Variants in PEAK1 observed in about 807,000 individuals in gnomAD.
The protein encoded by PEAK1 is inactive tyrosine-protein kinase PEAK1.
Under a neutral mutation model 124.7 loss-of-function variants are expected in PEAK1, and 54 were observed. The observed-to-expected ratio is 0.43, with a 90% CI of 0.35 to 0.54. The LOEUF is 0.54. Ranked by LOEUF, PEAK1 falls within the 20% of genes least tolerant of loss-of-function variation. PEAK1 has a pLI of 0.01. For missense variants in PEAK1, 2,046 were observed against 2,134.5 expected, an observed-to-expected ratio of 0.96 and a Z score of 0.82; for synonymous variants, 719 against 760.0, an observed-to-expected ratio of 0.95 and a Z score of 0.89.
intron 6 of PEAK1, among the ~76,000 whole-genome samples, chr15:77,203,794 C>T (rs1035894574): frequency 1.3e-5 from 2 of 150,102 alleles, no homozygotes; most frequent in African/African-American, 4.9e-5. Flanking sequence ...CAATGTAAAA[C>T]ATAAAACAAT....
At chr15:77,391,867 A>G (rs2141926918) in intron 1 of PEAK1, among the ~76,000 whole-genome samples, 1 of 152,364 alleles carries the variant, frequency 6.6e-6, no homozygotes, top group East Asian at 1.9e-4. Context: ...AGAGATGATC[A>G]CATACATACT....
chr15:77,247,408 G>A (rs183406431), intron 6 of PEAK1, among the ~76,000 whole-genome samples: 238 of 150,496 alleles, frequency 1.6e-3, no homozygotes, highest in African/African-American at 5.6e-3. Flanking sequence ...ATGAATTAAT[G>A]CAGTATCTAA....
intron 2 of PEAK1, among the ~76,000 whole-genome samples, chr15:77,292,796 C>G (rs1251828635): frequency 6.6e-6 from 1 of 152,048 alleles, no homozygotes; most frequent in Non-Finnish European, 1.5e-5. Context: ...TGTATATGAA[C>G]GTATATGAAT....
At chr15:77,329,878 T>G (rs923203996) in intron 2 of PEAK1, among the ~76,000 whole-genome samples, 1 of 152,140 alleles carries the variant, frequency 6.6e-6, no homozygotes, top group Non-Finnish European at 1.5e-5. Context: ...CAGTCCTCTG[T>G]AGTGGGGGAA....
intron 5 of PEAK1, among the ~76,000 whole-genome samples, chr15:77,257,166 G>C (rs1409341168): frequency 1.3e-5 from 2 of 152,038 alleles, no homozygotes; most frequent in Non-Finnish European, 2.9e-5. Context: ...TTACTATTGT[G>C]AACAGTGCCA....
intron 2 of PEAK1, among the ~76,000 whole-genome samples, chr15:77,293,645 A>G (rs2063339825): frequency 6.6e-6 from 1 of 152,208 alleles, no homozygotes; most frequent in African/African-American, 2.4e-5. Context: ...AATTACTTAA[A>G]CGTAGTTATA....
At chr15:77,346,819 T>C in intron 2 of PEAK1, 5 of 836,314 alleles carry the variant, frequency 6.0e-6, no homozygotes, top group South Asian at 1.1e-4. Context: ...GACACTACTG[T>C]AGGTGCTAGA....
intron 6 of PEAK1, among the ~76,000 whole-genome samples, chr15:77,213,798 T>C (rs1029817576): frequency 1.3e-5 from 2 of 152,212 alleles, no homozygotes; most frequent in Non-Finnish European, 2.9e-5. Context: ...TTACATACAA[T>C]AAAATTCACC....
rs2056782377 is a variant in PEAK1, at chr15:77,175,282, C to T, written c.3137+3508G>A. 2.0e-5 allele frequency among the ~76,000 whole-genome samples: 3 copies of T among 152,060 alleles called. 1 individual carries two copies. The highest frequency in any genetic ancestry group is 4.1e-4 in the South Asian group (2 of 4,826). On this transcript the variant is annotated intron_variant, in intron 7 of 9. Coordinates refer to ENST00000682557, the MANE Select transcript of PEAK1 (RefSeq NM_001385026.1). ...CTAATTAAACTAAAGAGCTTCTGCA[C>T]AGCAAAAGAAACTACCATCAGAGTG...
intron 1 of PEAK1, among the ~76,000 whole-genome samples, chr15:77,407,225 C>T (rs2071902956): frequency 1.3e-5 from 2 of 152,054 alleles, no homozygotes; most frequent in South Asian, 2.1e-4. Flanking sequence ...GACTTCATGT[C>T]CAAGAACCCA....
chr15:77,278,614 G>C, intron 5 of PEAK1: 1 of 513,378 alleles, frequency 1.9e-6, no homozygotes, highest in Non-Finnish European at 3.9e-6. Flanking sequence ...AGAACGGAGA[G>C]AAGGTACTCA....
chr15:77,179,032 A>C lies in PEAK1; in HGVS notation c.2895T>G (p.Pro965=). 2 of 1,614,124 alleles carry C rather than the reference A, an allele frequency of 1.2e-6. No individual in the cohort carries two copies. Among genetic ancestry groups the C allele is most frequent in the Non-Finnish European group, 1.7e-6 (2 of 1,180,036 alleles). ...ACCAGTGATGGCGCTGAACTGGAGG[A>C]GGAGGCAGCATGTGAATGACTGTGC... ...LDGTVIHMLP[P]PPVQRHHWFT... Residue 965 remains proline (P), a synonymous_variant, in exon 7 of 10, where the codon CCT becomes CCG. Transcript: ENST00000682557.
At chr15:77,347,496 C>G in intron 2 of PEAK1, 1 of 985,338 alleles carries the variant, frequency 1.0e-6, no homozygotes, top group Non-Finnish European at 1.2e-6. Context: ...AAGGTGATAT[C>G]TGAGGCTTAT....
intron 2 of PEAK1, among the ~76,000 whole-genome samples, chr15:77,339,161 A>C (rs1302748959): frequency 6.7e-6 from 1 of 150,120 alleles, no homozygotes; most frequent in Non-Finnish European, 1.5e-5. Flanking sequence ...CCCAGGCTTG[A>C]GTATGGTACT....
chr15:77,115,380 G>T, intron 9 of PEAK1, 61 bp from the exon 10 acceptor site: 1 of 1,458,652 alleles, frequency 6.9e-7, no homozygotes. Context: ...TGATGTATCA[G>T]GGAAGATTAA....
intron 6 of PEAK1, among the ~76,000 whole-genome samples, chr15:77,201,212 A>C (rs893956329): frequency 5.5e-4 from 82 of 150,066 alleles, no homozygotes; most frequent in African/African-American, 2.0e-3. Context: ...TTTACTGTAT[A>C]AATTGATAAG....
intron 1 of PEAK1, chr15:77,403,538 G>C (rs1357021179): frequency 3.1e-6 from 3 of 971,720 alleles, no homozygotes; most frequent in Non-Finnish European, 3.7e-6. Flanking sequence ...TCCACTGGTA[G>C]CATATTTATT....
chr15:77,420,662 A>G (rs1254066820), upstream of PEAK1: 1 of 390,130 alleles, frequency 2.6e-6, no homozygotes, highest in Non-Finnish European at 4.5e-6. Context: ...AACCTCCACG[A>G]AAATAAGGCT....
chr15:77,311,824 A>T (rs1003708092), intron 2 of PEAK1, among the ~76,000 whole-genome samples: 21 of 152,288 alleles, frequency 1.4e-4, no homozygotes, highest in African/African-American at 4.8e-4. Flanking sequence ...ATAGCCACGC[A>T]GGTTCAGATC....
Sources: gnomAD v4.1 joint callset for allele counts (sites outside exome capture counted in the v4.1 genomes callset) on GRCh38, gnomAD v4.1.1 for gene constraint, MANE v1.5 for transcripts, NCBI Gene and HGNC (gene_info 2026-07-23, HGNC 2026-07-21) for gene names.